The following FMN2 variants were observed in gnomAD, a reference collection of about 807,000 sequenced individuals.
FMN2 encodes formin-2.
Under a neutral mutation model 142.3 loss-of-function variants are expected in FMN2, and 51 were observed. The observed-to-expected ratio is 0.36, with a 90% CI of 0.29 to 0.45. FMN2 has a LOEUF of 0.45. Ranked by LOEUF, FMN2 falls within the 20% of genes least tolerant of loss-of-function variation. The probability of loss-of-function intolerance (pLI) is 1.00; values close to 1 mark genes in which losing one functional copy is unlikely to be tolerated. For missense variants in FMN2, 1,936 were observed against 2,122.8 expected (o/e 0.91, Z 1.73); for synonymous variants, 882 against 869.8 (o/e 1.01, Z -0.25).
intron 2 of FMN2, among the ~76,000 whole-genome samples, chr1:240,139,019 G>A (rs1179608931): frequency 1.3e-5 from 2 of 152,166 alleles, no homozygotes; most frequent in African/African-American, 4.8e-5. Flanking sequence ...CAGATTGCTG[G>A]CCCCACCCCC....
At chr1:240,162,037 T>C (rs1173545360) in intron 2 of FMN2, among the ~76,000 whole-genome samples, 2 of 151,212 alleles carry the variant, frequency 1.3e-5, no homozygotes. Context: ...GGGGCTGAGA[T>C]GGAAGGATCT....
intron 14 of FMN2, among the ~76,000 whole-genome samples, chr1:240,363,163 TATTCTTTATGCAGG>T (rs1232518926): frequency 5.9e-5 from 9 of 152,230 alleles, no homozygotes; most frequent in African/African-American, 2.2e-4. Context: ...CAGAAAGGAA[TATTCTTTATGCAGG>T]GTGAGCATGT....
At chr1:240,210,371 A>T (rs1464385082) in intron 5 of FMN2, among the ~76,000 whole-genome samples, 1 of 152,186 alleles carries the variant, frequency 6.6e-6, no homozygotes, top group East Asian at 1.9e-4. Flanking sequence ...GGTATTTGCC[A>T]GGTTCGTTTT....
At chr1:240,256,584 C>A (rs374048507) in intron 6 of FMN2, among the ~76,000 whole-genome samples, 543 of 111,050 alleles carry the variant, frequency 4.9e-3, no homozygotes, top group Non-Finnish European at 5.5e-3. Context: ...ACTAAAAATA[C>A]AAAAAAAAAA....
At chr1:240,266,752 A>G (rs1668825881) in intron 7 of FMN2, among the ~76,000 whole-genome samples, 2 of 152,208 alleles carry the variant, frequency 1.3e-5, no homozygotes, top group African/African-American at 2.4e-5. Context: ...AAAAAGACAC[A>G]TAGACCTATG....
chr1:240,188,321 G>A (rs573595838), intron 4 of FMN2, 59 bp downstream of exon 4: 68 of 1,562,884 alleles, frequency 4.4e-5, no homozygotes, highest in Non-Finnish European at 5.8e-5. Context: ...TTAAGATTGT[G>A]ACAGACTCTG....
intron 14 of FMN2, among the ~76,000 whole-genome samples, chr1:240,385,282 A>AT (rs1254775935): frequency 6.6e-6 from 1 of 152,280 alleles, no homozygotes; most frequent in African/African-American, 2.4e-5. Context: ...GTATTTACTT[A>AT]TTTTTAGTTA....
Position 240,380,684 on chromosome 1 carries a change from A to G in FMN2, c.4859-11827A>G, listed in dbSNP as rs57949870. Among the ~76,000 whole-genome samples the G allele has an allele frequency of 2.6e-5, 4 of 151,606 alleles. No homozygotes were observed. In the East Asian group the frequency reaches 7.8e-4, roughly 30 times the overall value. On this transcript the variant is annotated intron_variant, in intron 14 of 17. Transcript: ENST00000319653. ...TAACATTGCATCTCAAGGAGCTAGA[A>G]AAGCATGAACAAACCAAACTCAAAA...
At chr1:240,418,494 C>A (rs143174634) in intron 15 of FMN2, among the ~76,000 whole-genome samples, 221 of 152,162 alleles carry the variant, frequency 1.5e-3, no homozygotes, top group African/African-American at 5.2e-3. Flanking sequence ...CACGCCCAGC[C>A]TATTGTTGAT....
intron 2 of FMN2, chr1:240,143,300 G>A (rs1663275325): frequency 6.5e-7 from 1 of 1,527,792 alleles, no homozygotes; most frequent in African/African-American, 1.4e-5. Context: ...ACAGAGATGA[G>A]GGCCAGTGCT....
intron 16 of FMN2, among the ~76,000 whole-genome samples, chr1:240,452,214 T>G (rs1450021067): frequency 1.3e-5 from 2 of 151,982 alleles, no homozygotes; most frequent in Non-Finnish European, 2.9e-5. Flanking sequence ...AATAAAAAAT[T>G]TAGTTATGTA....
intron 2 of FMN2, chr1:240,144,618 C>A: frequency 7.7e-7 from 1 of 1,296,598 alleles, no homozygotes; most frequent in Non-Finnish European, 1.1e-6. Context: ...CAGAACACAC[C>A]CAGGGCACAA....
intron 6 of FMN2, among the ~76,000 whole-genome samples, chr1:240,224,685 C>T (rs1042607513): frequency 5.3e-5 from 8 of 152,098 alleles, no homozygotes; most frequent in Admixed American, 3.3e-4. Context: ...CAGTCTAGTT[C>T]GTGCTGCTCG....
chr1:240,095,386 T>TACACACAC (rs59692947), intron 1 of FMN2, among the ~76,000 whole-genome samples: 37,467 of 149,728 alleles, frequency 0.25, 4,648 homozygotes, highest in Admixed American at 0.35. Context: ...TATATGTGCA[T>TACACACAC]ACACACACAC....
intron 6 of FMN2, among the ~76,000 whole-genome samples, chr1:240,239,108 A>G (rs960891887): frequency 2.0e-5 from 3 of 152,192 alleles, no homozygotes; most frequent in East Asian, 3.9e-4. Flanking sequence ...TCACTTTACT[A>G]TAGAATAACA....
At chr1:240,208,945 C>T (rs1486726556) in intron 5 of FMN2, among the ~76,000 whole-genome samples, 2 of 152,052 alleles carry the variant, frequency 1.3e-5, no homozygotes, top group South Asian at 2.1e-4. Context: ...AATACATATA[C>T]GTATCAATGT....
At chr1:240,209,044 A>T (rs1666570705) in intron 5 of FMN2, among the ~76,000 whole-genome samples, 1 of 152,096 alleles carries the variant, frequency 6.6e-6, no homozygotes, top group South Asian at 2.1e-4. Flanking sequence ...ATGCTCTGTT[A>T]TCTAGTTGTA....
Position 240,207,527 on chromosome 1 carries a change from A to G in FMN2, c.2715A>G (p.Thr905=), listed in dbSNP as rs765020367. The change falls in exon 5 of 18, where the codon ACA becomes ACG. Residue 905 remains threonine, a synonymous_variant. Coordinates refer to ENST00000319653, the MANE Select transcript of FMN2 (RefSeq NM_020066.5). The part of the protein sequence containing the change: ...AIPQPPPLQG[T]EMLPPPPPPL... ...CCCAACCTCCTCCTCTGCAGGGTAC[A>G]GAAATGCTGCCACCCCCTCCCCCTC... The G allele has an allele frequency of 1.2e-6, 2 of 1,612,346 alleles. No homozygotes were observed. Among genetic ancestry groups the G allele is most frequent in the East Asian group, 4.5e-5 (2 of 44,758 alleles).
chr1:240,153,722 A>G (rs966840665), intron 2 of FMN2, among the ~76,000 whole-genome samples: 7 of 152,112 alleles, frequency 4.6e-5, no homozygotes, highest in African/African-American at 1.7e-4. Context: ...ATTTCTAGAA[A>G]AAGATGGAGT....
Sources: gnomAD v4.1 joint callset for allele counts (sites outside exome capture counted in the v4.1 genomes callset) on GRCh38, gnomAD v4.1.1 for gene constraint, MANE v1.5 for transcripts, NCBI Gene and HGNC (gene_info 2026-07-23, HGNC 2026-07-21) for gene names.